Variants in MFGE8 observed in about 807,000 individuals in gnomAD.
MFGE8 encodes milk fat globule EGF and factor V/VIII domain containing, also known as lactadherin.
A neutral mutation model predicts 42.6 loss-of-function variants in MFGE8; 34 were observed. The ratio of observed to expected loss-of-function variants is 0.80; its 90% confidence interval spans 0.61 to 1.06. MFGE8 has a LOEUF of 1.06. MFGE8 is among the 50% of genes least tolerant of loss of function. The pLI, the probability that MFGE8 is intolerant of heterozygous loss-of-function variation, is 0.00. For missense variants in MFGE8, 510 were observed against 516.9 expected (o/e 0.99, Z 0.13); for synonymous variants, 230 against 214.8 (o/e 1.07, Z -0.62).
At chr15:88,907,008 C>A (rs1017588040) in intron 3 of MFGE8, among the ~76,000 whole-genome samples, 187 bp downstream of exon 3, 2 of 152,232 alleles carry the variant, frequency 1.3e-5, no homozygotes, top group African/African-American at 4.8e-5. Context: ...CCTCCTCCCC[C>A]CTCACCTTGA....
At position 88,906,477 on chromosome 15, in the gene MFGE8, C is replaced by T; in HGVS notation, c.540+149G>A. ...CAGAACATGGACACAGTCTGGGTTT[C>T]CCAATTTCTAGAAGCCAAGATGCAC... On this transcript the variant is annotated intron_variant, in intron 4 of 7. Coordinates refer to ENST00000268150, the MANE Select transcript of MFGE8 (RefSeq NM_005928.4). This position sits in a 1 kb window ranked among gnomAD's most constrained non-coding sequence, Gnocchi z 4.2. 1.1e-6 allele frequency: 1 copy of T among 872,452 alleles called. No individual in the cohort carries two copies. Among genetic ancestry groups the T allele is most frequent in the East Asian group, 2.5e-5 (1 of 39,728 alleles). The allele number at this position is 872,452 out of a possible 1,614,324, so 54.0% of individuals were successfully genotyped here.
intron 5 of MFGE8, chr15:88,904,999 A>T (rs1012839071): frequency 6.3e-6 from 1 of 159,526 alleles, no homozygotes; most frequent in African/African-American, 2.4e-5. Flanking sequence ...CTGGGCTGAG[A>T]CAATTAATGT....
At chr15:88,901,512 A>AAC in intron 6 of MFGE8, 39 bp downstream of exon 6, 1 of 667,136 alleles carries the variant, frequency 1.5e-6, no homozygotes. Context: ...ACCTCATCCC[A>AAC]CCCAACCCCA....
Position 88,899,271 on chromosome 15 carries a change from G to T in MFGE8, c.*124C>A. ...AGGGAGGGAGGGGTGACTGTGTGGTGGTGCTGCCTCTGAACACCCTCCCCT... is the reference window on the plus strand; with the variant it reads ...AGGGAGGGAGGGGTGACTGTGTGGTTGTGCTGCCTCTGAACACCCTCCCCT... On this transcript the variant is annotated 3_prime_UTR_variant, in exon 8 of 8. Transcript: ENST00000268150. This position sits in a 1 kb window ranked among gnomAD's most constrained non-coding sequence, Gnocchi z 6.8. 7.6e-7 allele frequency: 1 copy of T among 1,310,748 alleles called. No individual in the cohort carries two copies. Among genetic ancestry groups the T allele is most frequent in the Non-Finnish European group, 1.1e-6 (1 of 940,368 alleles). The allele number at this position is 1,310,748 out of a possible 1,614,324, so 81.2% of individuals were successfully genotyped here. A position where few individuals can be genotyped will look rare whatever the true frequency, so the allele number is the denominator to read the frequency against.
At position 88,909,826 on chromosome 15, in the gene MFGE8, G is replaced by A; in HGVS notation, c.171C>T (p.Cys57=). 6.2e-7 allele frequency: 1 copy of A among 1,614,246 alleles called. No homozygotes were observed. Among genetic ancestry groups the A allele is most frequent in the Non-Finnish European group, 8.5e-7 (1 of 1,180,036 alleles). Residue 57 remains cysteine, a synonymous_variant, in exon 2 of 8, where the codon TGC becomes TGT. Transcript: ENST00000268150. ...GDVFPSYTCT[C]LKGYAGNHCE... ...AGTGGTTGCCCGCGTAGCCCTTAAG[G>A]CACGTGCAGGTGTACGAGGGGAAGA...
At chr15:88,910,045 C>T in intron 1 of MFGE8, 122 bp from the exon 2 acceptor site, 12 of 1,247,124 alleles carry the variant, frequency 9.6e-6, no homozygotes, top group Non-Finnish European at 1.4e-5. Context: ...TTATCTCTTC[C>T]TCTCCCTCTT....
At chr15:88,912,027 C>T in intron 1 of MFGE8, 1 of 988,496 alleles carries the variant, frequency 1.0e-6, no homozygotes, top group East Asian at 6.0e-5. Context: ...ACTCTTCCCT[C>T]CCAACTGCAC....
rs1432024447 is a variant in MFGE8 at position 88,907,329 on chromosome 15, G to A, written c.253C>T (p.Gln85Ter). The A allele has an allele frequency of 6.2e-7, 1 of 1,614,202 alleles. No homozygotes were observed. Among genetic ancestry groups the A allele is most frequent in the Non-Finnish European group, 8.5e-7 (1 of 1,180,030 alleles). The change falls in exon 3 of 8, where the codon CAG (glutamine) becomes TAG (stop). Residue 85 changes from glutamine (Q) to a stop codon, truncating the protein, a stop_gained. Transcript: ENST00000268150. LOFTEE classifies it high-confidence loss of function. ...GLENGNIANS[Q>*]IAASSVRVTF... ...ACACGCACAGACGAGGCGGCGATCT[G>A]TGAGTTGGCAATGTTCCCATTCTCC...
Position 88,899,187 on chromosome 15 carries a change from GTTAGGGGACGGGGC to G in MFGE8, c.*194_*207del, listed in dbSNP as rs1898242311. On this transcript the variant is annotated 3_prime_UTR_variant, in exon 8 of 8. Coordinates refer to ENST00000268150, the MANE Select transcript of MFGE8 (RefSeq NM_005928.4). The surrounding 1 kb of genome is among the most constrained non-coding windows in gnomAD (Gnocchi z 6.8). ...GAAAACAGGACAGTGAGGACTGGGG[GTTAGGGGACGGGGC>G]TTAGGGGCTGGGGCAGGGCCCGTGA... The G allele has an allele frequency of 1.2e-5, 8 of 649,616 alleles. No individual in the cohort carries two copies. Among genetic ancestry groups the G allele is most frequent in the Admixed American group, 5.2e-5 (2 of 38,404 alleles). The allele number at this position is 649,616 out of a possible 1,614,324, so 40.2% of individuals were successfully genotyped here.
At position 88,905,733 on chromosome 15, in the gene MFGE8, C is replaced by T. The variant is rs753766860; in HGVS notation, c.685+24G>A. 4.3e-6 allele frequency: 7 copies of T among 1,613,818 alleles called. No individual in the cohort carries two copies. The highest frequency in any genetic ancestry group is 5.9e-6 in the Non-Finnish European group (7 of 1,179,988). On this transcript the variant is annotated intron_variant, in intron 5 of 7. Coordinates refer to ENST00000268150, the MANE Select transcript of MFGE8 (RefSeq NM_005928.4). This position sits in a 1 kb window ranked among gnomAD's most constrained non-coding sequence, Gnocchi z 6.6. ...TCCTAGGATTGGCCAACAGTGCCCC[C>T]CTACCCGCACCCCCAGCACTCACCG...
At position 88,909,777 on chromosome 15, in the gene MFGE8, C is replaced by A. The variant is rs765183040; in HGVS notation, c.205+15G>T. Reference sequence around the variant, plus strand: ...TACTGCTAGAAACAGGCAACAAGCACCCCCACATACTCACTCGTCTCACAG... The same window carrying A: ...TACTGCTAGAAACAGGCAACAAGCAACCCCACATACTCACTCGTCTCACAG... On this transcript the variant is annotated intron_variant, in intron 2 of 7. Transcript: ENST00000268150. 4 of 1,613,788 alleles carry A rather than the reference C, an allele frequency of 2.5e-6. No individual in the cohort carries two copies. The highest frequency in any genetic ancestry group is 3.4e-6 in the Non-Finnish European group (4 of 1,179,854).
rs759957707 is a variant in MFGE8, at chr15:88,905,924, G to T, written c.541-23C>A. On this transcript the variant is annotated intron_variant, in intron 4 of 7. Transcript: ENST00000268150. The surrounding 1 kb of genome is among the most constrained non-coding windows in gnomAD (Gnocchi z 6.6). ...CTCCTAGCAGGGAAGGGACAAGACT[G>T]GAGAAGGGGGTCCATCTGAGCAGTC... The T allele has an allele frequency of 4.3e-6, 7 of 1,613,972 alleles. No individual in the cohort carries two copies. In the East Asian group the frequency reaches 1.6e-4, roughly 36 times the overall value.
chr15:88,906,756 C>G lies in MFGE8; in HGVS notation c.410G>C (p.Trp137Ser), dbSNP rs1357632362. 2 of 1,613,122 alleles carry G rather than the reference C, an allele frequency of 1.2e-6. No homozygotes were observed. Among genetic ancestry groups the G allele is most frequent in the Non-Finnish European group, 1.7e-6 (2 of 1,179,886 alleles). ...WIQVNLLRRM[W>S]VTGVVTQGAS... ...ACCCTGCGTCACCACACCTGTTACC[C>G]ACATCCTCCGCAGCAGGTTCACCTG... The change falls in exon 4 of 8, where the codon TGG (tryptophan) becomes TCG (serine). Residue 137 changes from tryptophan to serine, a missense_variant. Trp to Ser is a radical substitution (Grantham distance 177, BLOSUM62 -3). Coordinates refer to ENST00000268150, the MANE Select transcript of MFGE8 (RefSeq NM_005928.4). The surrounding 1 kb of genome is among the most constrained non-coding windows in gnomAD (Gnocchi z 4.2).
intron 2 of MFGE8, among the ~76,000 whole-genome samples, chr15:88,909,235 T>C (rs954117488): frequency 1.3e-5 from 2 of 152,194 alleles, no homozygotes; most frequent in African/African-American, 4.8e-5. Flanking sequence ...CCTCTGGGCA[T>C]GCAAGGCCTC....
chr15:88,904,252 C>T (rs550578400), intron 5 of MFGE8: 1 of 152,240 alleles, frequency 6.6e-6, no homozygotes, highest in East Asian at 1.9e-4. Flanking sequence ...AAACATCCAT[C>T]GAATTAAATA....
At chr15:88,911,501 T>A (rs1898953833) in intron 1 of MFGE8, among the ~76,000 whole-genome samples, 1 of 152,036 alleles carries the variant, frequency 6.6e-6, no homozygotes, top group Non-Finnish European at 1.5e-5. Flanking sequence ...GGTGGGAGGA[T>A]CATGAGGTCA....
Position 88,901,533 on chromosome 15 carries a change from C to T in MFGE8, c.870+18G>A. On this transcript the variant is annotated intron_variant, in intron 6 of 7. Coordinates refer to ENST00000268150, the MANE Select transcript of MFGE8 (RefSeq NM_005928.4). ...TCCCACCCAACCCCAGCCCCATATC[C>T]CAAGAAGGCTGACCCACCTGCAGCC... 6.3e-7 allele frequency: 1 copy of T among 1,593,822 alleles called. No individual in the cohort carries two copies. The highest frequency in any genetic ancestry group is 2.3e-5 in the East Asian group (1 of 43,828).
Position 88,913,266 on chromosome 15 carries a change from G to A in MFGE8, c.54C>T (p.Pro18=). Residue 18 remains proline (P), a synonymous_variant, in exon 1 of 8, where the codon CCC becomes CCT. Transcript: ENST00000268150. ...AALCGALLCA[P]SLLVALDICS... The stretch of plus-strand genomic sequence containing the variant: ...ACTCACCCAGGGCGACGAGGAGGCT[G>A]GGGGCGCAGAGCAGCGCGCCGCACA... 6.6e-7 allele frequency: 1 copy of A among 1,504,724 alleles called. No individual in the cohort carries two copies. The highest frequency in any genetic ancestry group is 1.2e-5 in the South Asian group (1 of 80,778). The allele number at this position is 1,504,724 out of a possible 1,614,324, so 93.2% of individuals were successfully genotyped here.
Position 88,899,800 on chromosome 15 carries a change from G to T in MFGE8, c.882C>A (p.Gly294=). The T allele has an allele frequency of 1.2e-6, 2 of 1,613,958 alleles. No individual in the cohort carries two copies. Among genetic ancestry groups the T allele is most frequent in the Admixed American group, 1.7e-5 (1 of 60,016 alleles). The change falls in exon 7 of 8, where the codon GGC becomes GGA. Residue 294 remains glycine, a synonymous_variant. Transcript: ENST00000268150. This position sits in a 1 kb window ranked among gnomAD's most constrained non-coding sequence, Gnocchi z 6.8. The stretch of plus-strand genomic sequence containing the variant: ...TGATGCCTGTCACCTCCTTCGAGGA[G>T]CCCAGGTCCACCTACAGAAGAAACC... ...GNDQWLQVDL[G]SSKEVTGIIT...
Sources: gnomAD v4.1 joint callset for allele counts (sites outside exome capture counted in the v4.1 genomes callset) on GRCh38, gnomAD v4.1.1 for gene constraint, Gnocchi (gnomAD v3.1) non-coding constraint, MANE v1.5 for transcripts, NCBI Gene and HGNC (gene_info 2026-07-23, HGNC 2026-07-21) for gene names.